Variants in PCDHA6 observed in about 807,000 individuals in gnomAD.
The protein encoded by PCDHA6 is protocadherin alpha 6, also known as protocadherin alpha-6.
A neutral mutation model predicts 60.3 loss-of-function variants in PCDHA6; 55 were observed. The observed-to-expected ratio is 0.91, with a 90% CI of 0.73 to 1.14. PCDHA6 has a LOEUF of 1.14. PCDHA6 is among the 50% of genes most tolerant of loss of function. PCDHA6 has a pLI of 0.00. For synonymous variants in PCDHA6, 652 were observed against 557.9 expected (o/e 1.17, Z -2.38); for missense variants, 1,327 against 1,256.5 (o/e 1.06, Z -0.85).
intron 1 of PCDHA6, chr5:140,851,766 T>G: frequency 2.1e-6 from 2 of 968,988 alleles, no homozygotes; most frequent in Non-Finnish European, 2.5e-6. Flanking sequence ...AACATTACCC[T>G]TATGAATTTA....
intron 1 of PCDHA6, chr5:140,836,055 G>C: frequency 1.2e-6 from 2 of 1,613,604 alleles, no homozygotes; most frequent in Non-Finnish European, 1.7e-6. Context: ...CGTGCTGGAC[G>C]AGAACGACAA....
rs2153691387 is a variant in PCDHA6, at chr5:140,951,014, G to C, written c.2395-27935G>C. Among the ~76,000 whole-genome samples the C allele has an allele frequency of 1.3e-5, 2 of 151,872 alleles. 1 individual carries two copies. Among genetic ancestry groups the C allele is most frequent in the Middle Eastern group, 6.8e-3 (2 of 294 alleles). On this transcript the variant is annotated intron_variant, in intron 1 of 3. Coordinates refer to ENST00000529310, the MANE Select transcript of PCDHA6 (RefSeq NM_018909.4). The stretch of plus-strand genomic sequence containing the variant: ...TTAGCTCCATTTTTCCCAAGATCAG[G>C]CAGTGAGTTTTAATTTCAAATATTA...
Position 140,856,651 on chromosome 5 carries a change from T to C in PCDHA6, c.2394+26166T>C, listed in dbSNP as rs1284108605. 10 of 1,598,112 alleles carry C rather than the reference T, an allele frequency of 6.3e-6. 1 individual carries two copies. The highest frequency in any genetic ancestry group is 6.9e-6 in the Non-Finnish European group (8 of 1,167,692). ...TTGTTCTGCGGAAGCTGCTGGATCG[T>C]GAAGAAAATCCTCAGCTAAAGTTGT... is the stretch of plus-strand genomic sequence containing the variant. On this transcript the variant is annotated intron_variant, in intron 1 of 3. Coordinates refer to ENST00000529310, the MANE Select transcript of PCDHA6 (RefSeq NM_018909.4).
intron 1 of PCDHA6, among the ~76,000 whole-genome samples, chr5:140,978,243 C>T (rs2096793691): frequency 6.6e-6 from 1 of 152,170 alleles, no homozygotes; most frequent in South Asian, 2.1e-4. Context: ...ATTTCAGCTA[C>T]TCCCTGTTAA....
intron 1 of PCDHA6, among the ~76,000 whole-genome samples, chr5:140,915,392 A>AT (rs1554196880): frequency 6.6e-6 from 1 of 152,072 alleles, no homozygotes; most frequent in African/African-American, 2.4e-5. Context: ...AGAGCTAGGT[A>AT]TTTCTTATAG....
intron 1 of PCDHA6, among the ~76,000 whole-genome samples, chr5:140,962,537 A>G (rs1554226101): frequency 6.6e-6 from 1 of 152,208 alleles, no homozygotes; most frequent in Non-Finnish European, 1.5e-5. Context: ...TTTTAGAACT[A>G]AAAATGTAGA....
intron 1 of PCDHA6, among the ~76,000 whole-genome samples, chr5:140,888,841 C>T (rs2062001270): frequency 1.3e-5 from 2 of 151,998 alleles, no homozygotes; most frequent in Admixed American, 1.3e-4. Flanking sequence ...CCACTGCAGC[C>T]TGGTGACAGA....
At chr5:140,979,109 G>A (rs979649515) in intron 2 of PCDHA6, 102 bp downstream of exon 2, 1 of 1,524,682 alleles carries the variant, frequency 6.6e-7, no homozygotes, top group Admixed American at 2.3e-5. Context: ...AAACTAAAAA[G>A]CTTTAGGTAC....
At chr5:140,929,281 C>A in intron 1 of PCDHA6, 1 of 1,602,592 alleles carries the variant, frequency 6.2e-7, no homozygotes, top group Non-Finnish European at 8.5e-7. Context: ...ATCCTGTATT[C>A]AGATTCGGAA....
chr5:140,921,165 A>G (rs959305878), intron 1 of PCDHA6, among the ~76,000 whole-genome samples: 1 of 151,798 alleles, frequency 6.6e-6, no homozygotes, highest in Admixed American at 6.6e-5. Context: ...TTTTTTTAAC[A>G]CACATAAAGC....
chr5:140,877,068 G>C (rs1050946101), intron 1 of PCDHA6: 4 of 1,613,122 alleles, frequency 2.5e-6, no homozygotes, highest in Non-Finnish European at 3.4e-6. Context: ...AGCTGCTGCA[G>C]TTCCAGGTGA....
chr5:140,857,254 TTAC>T, intron 1 of PCDHA6: 1 of 1,598,512 alleles, frequency 6.3e-7, no homozygotes, highest in Non-Finnish European at 8.6e-7. Flanking sequence ...CCTACAAGAA[TTAC>T]TACTCATTGG....
At chr5:140,861,560 C>T in intron 1 of PCDHA6, 2 of 391,164 alleles carry the variant, frequency 5.1e-6, no homozygotes, top group African/African-American at 2.1e-5. Flanking sequence ...TGATCGTGGA[C>T]AAGCTGCTAC....
chr5:140,961,196 A>G (rs2095596614), intron 1 of PCDHA6, among the ~76,000 whole-genome samples: 2 of 152,150 alleles, frequency 1.3e-5, no homozygotes, highest in African/African-American at 4.8e-5. Context: ...GACCCTAGTG[A>G]GGTTGGTATT....
chr5:140,879,126 G>T (rs2057860982), intron 1 of PCDHA6, among the ~76,000 whole-genome samples: 2 of 152,182 alleles, frequency 1.3e-5, no homozygotes, highest in Admixed American at 1.3e-4. Context: ...GATTAGAGCA[G>T]GGGAGATTGT....
chr5:140,856,816 C>T (rs2044218457), intron 1 of PCDHA6: 2 of 1,593,576 alleles, frequency 1.3e-6, no homozygotes, highest in Admixed American at 1.7e-5. Flanking sequence ...ATCAAGTGAA[C>T]CAAACATTAG....
rs527413028 is a variant in PCDHA6, at chr5:140,920,520, G to A, written c.2395-58429G>A. Among the ~76,000 whole-genome samples, 10 of 152,176 alleles carry A rather than the reference G, an allele frequency of 6.6e-5. No homozygotes were observed. In the South Asian group the frequency reaches 1.7e-3, roughly 25 times the overall value. ...TTCTACATACTGTTTTATGCAATTCGTTAGACTCAGGTTTTCTATTTCACC... is the reference window on the plus strand; with the variant it reads ...TTCTACATACTGTTTTATGCAATTCATTAGACTCAGGTTTTCTATTTCACC... On this transcript the variant is annotated intron_variant, in intron 1 of 3. Transcript: ENST00000529310.
chr5:140,952,301 T>G (rs246036), intron 1 of PCDHA6, among the ~76,000 whole-genome samples: 84,430 of 149,404 alleles, frequency 0.57, 24,448 homozygotes, highest in African/African-American at 0.7. Flanking sequence ...CACAGCCATT[T>G]CACTCCAGCC....
intron 1 of PCDHA6, among the ~76,000 whole-genome samples, chr5:140,959,768 A>G (rs1554224322): frequency 6.6e-6 from 1 of 152,240 alleles, no homozygotes; most frequent in African/African-American, 2.4e-5. Flanking sequence ...ATATTCAGTA[A>G]GAACAGTGTA....
Sources: gnomAD v4.1 joint callset for allele counts (sites outside exome capture counted in the v4.1 genomes callset) on GRCh38, gnomAD v4.1.1 for gene constraint, MANE v1.5 for transcripts, NCBI Gene and HGNC (gene_info 2026-07-23, HGNC 2026-07-21) for gene names.